FBXL20: variants seen among roughly 807,000 people sequenced by gnomAD.
FBXL20 encodes the protein F-box and leucine rich repeat protein 20.
FBXL20 carries 11 observed loss-of-function variants against 64.0 expected under a neutral mutation model. The observed-to-expected ratio is 0.17, with a 90% CI of 0.11 to 0.28. The LOEUF is 0.28. Among genes scored for constraint, FBXL20 ranks in the 10% least tolerant of loss-of-function variants. The pLI is 1.00. For synonymous variants in FBXL20, 184 were observed against 189.0 expected (o/e 0.97, Z 0.22); for missense variants, 303 against 526.2 (o/e 0.58, Z 4.15).
At position 39,261,023 on chromosome 17, in the gene FBXL20, C is replaced by G. The variant is rs965090927; in HGVS notation, c.*437G>C. On this transcript the variant is annotated 3_prime_UTR_variant, in exon 15 of 15. Transcript: ENST00000264658. ...TGCAAAGAAATTTTCTTTCTGGTCCCTGGGTACATCATATATTGTCTTTCC... is the reference window on the plus strand; with the variant it reads ...TGCAAAGAAATTTTCTTTCTGGTCCGTGGGTACATCATATATTGTCTTTCC... 1 of 163,238 alleles carries G rather than the reference C, an allele frequency of 6.1e-6. No homozygotes were observed. Among genetic ancestry groups the G allele is most frequent in the African/African-American group, 2.4e-5 (1 of 41,484 alleles). 10.1% of individuals were successfully genotyped at this position (163,238 alleles called of 1,614,324 possible).
intron 4 of FBXL20, among the ~76,000 whole-genome samples, chr17:39,300,490 T>C (rs911509989): frequency 6.6e-6 from 1 of 152,064 alleles, no homozygotes; most frequent in African/African-American, 2.4e-5. Context: ...AGATAAAACA[T>C]GGGGCAAAAA....
intron 13 of FBXL20, 36 bp downstream of exon 13, chr17:39,265,361 C>T: frequency 6.5e-7 from 1 of 1,538,082 alleles, no homozygotes; most frequent in Non-Finnish European, 9.0e-7. Flanking sequence ...TTGATTAAAC[C>T]CAGTAAACAC....
intron 1 of FBXL20, among the ~76,000 whole-genome samples, chr17:39,344,413 G>T (rs1391910418): frequency 6.6e-6 from 1 of 151,750 alleles, no homozygotes; most frequent in Admixed American, 6.6e-5. Flanking sequence ...ATTTTAATAT[G>T]CCATTAAGAG....
intron 5 of FBXL20, among the ~76,000 whole-genome samples, chr17:39,298,292 A>C (rs2047104470): frequency 1.3e-5 from 2 of 152,008 alleles, no homozygotes; most frequent in Non-Finnish European, 2.9e-5. Context: ...CTAATTAAAA[A>C]AAGTTTTTTG....
At chr17:39,370,404 C>T (rs1031389832) in intron 1 of FBXL20, among the ~76,000 whole-genome samples, 19 of 151,742 alleles carry the variant, frequency 1.3e-4, no homozygotes, top group Admixed American at 8.6e-4. Flanking sequence ...GCAGAAGCAT[C>T]GCTTGAACCC....
chr17:39,295,625 A>G (rs370083353), intron 6 of FBXL20, among the ~76,000 whole-genome samples: 13 of 152,214 alleles, frequency 8.5e-5, no homozygotes, highest in East Asian at 5.8e-4. Flanking sequence ...TGAATTATGT[A>G]AAATATTTAC....
At chr17:39,365,597 A>T (rs1465319860) in intron 1 of FBXL20, among the ~76,000 whole-genome samples, 1 of 152,128 alleles carries the variant, frequency 6.6e-6, no homozygotes, top group Non-Finnish European at 1.5e-5. Context: ...TCATTTACTT[A>T]ACCCAAACCT....
At position 39,283,432 on chromosome 17, in the gene FBXL20, T is replaced by G. The variant is rs192672070; in HGVS notation, c.495-577A>C. Reference sequence around the variant, plus strand: ...TGGGATTTTGAAGCATTTCAGATTTTCTTTTCTTTCTTTTTTTTTTTGAGA... The same window carrying G: ...TGGGATTTTGAAGCATTTCAGATTTGCTTTTCTTTCTTTTTTTTTTTGAGA... On this transcript the variant is annotated intron_variant, in intron 7 of 14. Coordinates refer to ENST00000264658, the MANE Select transcript of FBXL20 (RefSeq NM_032875.3). Among the ~76,000 whole-genome samples, 4 of 152,198 alleles carry G rather than the reference T, an allele frequency of 2.6e-5. No individual in the cohort carries two copies. In the East Asian group the frequency reaches 7.7e-4, roughly 29 times the overall value.
At chr17:39,343,135 T>C (rs1236167668) in intron 2 of FBXL20, 45 bp downstream of exon 2, 2 of 1,422,444 alleles carry the variant, frequency 1.4e-6, no homozygotes, top group Non-Finnish European at 1.9e-6. Context: ...CAGGCAAATA[T>C]GACATACACA....
chr17:39,289,998 C>CAAA (rs368530587), intron 6 of FBXL20, among the ~76,000 whole-genome samples: 1,805 of 41,682 alleles, frequency 0.043, 226 homozygotes, highest in African/African-American at 0.078. Flanking sequence ...GACTCAGTCT[C>CAAA]AAAAAAAAAA....
At chr17:39,282,658 G>A in intron 8 of FBXL20, 71 bp downstream of exon 8, 3 of 1,593,062 alleles carry the variant, frequency 1.9e-6, no homozygotes, top group Non-Finnish European at 2.6e-6. Context: ...AACATCTTGG[G>A]GCTGTCTATA....
At chr17:39,310,813 C>G (rs779610548) in intron 2 of FBXL20, among the ~76,000 whole-genome samples, 1 of 152,038 alleles carries the variant, frequency 6.6e-6, no homozygotes, top group Non-Finnish European at 1.5e-5. Flanking sequence ...TGGTGAAACC[C>G]AGTCTCTACT....
At chr17:39,347,262 G>A (rs533313014) in intron 1 of FBXL20, among the ~76,000 whole-genome samples, 73 of 152,222 alleles carry the variant, frequency 4.8e-4, no homozygotes, top group Non-Finnish European at 3.4e-4. Flanking sequence ...TTGAGGAATC[G>A]CCACACTGTC....
chr17:39,277,668 C>T (rs192117090), intron 9 of FBXL20, among the ~76,000 whole-genome samples: 132 of 148,274 alleles, frequency 8.9e-4, no homozygotes, highest in African/African-American at 3.1e-3. Flanking sequence ...GAAGGAGAAT[C>T]GCTTGAACCC....
intron 1 of FBXL20, among the ~76,000 whole-genome samples, chr17:39,374,257 A>G (rs8077104): frequency 0.37 from 56,124 of 150,492 alleles, 13,089 homozygotes; most frequent in African/African-American, 0.66. Context: ...GACCAGTCGG[A>G]ATGGCTCACG....
At chr17:39,267,283 A>G (rs1428621867) in intron 12 of FBXL20, among the ~76,000 whole-genome samples, 1 of 152,004 alleles carries the variant, frequency 6.6e-6, no homozygotes, top group African/African-American at 2.4e-5. Flanking sequence ...AAACAAAAAA[A>G]AACAGTCTGA....
At chr17:39,280,694 T>C (rs1020916993) in intron 9 of FBXL20, among the ~76,000 whole-genome samples, 9 of 152,180 alleles carry the variant, frequency 5.9e-5, no homozygotes, top group Admixed American at 2.0e-4. Flanking sequence ...AAAAAGCTGA[T>C]AGTTTGAACA....
chr17:39,261,801 G>GGCCGGGC (rs1246592390), intron 14 of FBXL20, among the ~76,000 whole-genome samples: 1 of 151,998 alleles, frequency 6.6e-6, no homozygotes, highest in Non-Finnish European at 1.5e-5. Context: ...TAAAACTGAG[G>GGCCGGGC]GCCGGGCGCG....
At chr17:39,346,538 C>T (rs969372780) in intron 1 of FBXL20, among the ~76,000 whole-genome samples, 15 of 151,940 alleles carry the variant, frequency 9.9e-5, no homozygotes, top group Non-Finnish European at 1.3e-4. Context: ...TAAAAGATGA[C>T]GCAGTTGTCT....
Sources: gnomAD v4.1 joint callset for allele counts (sites outside exome capture counted in the v4.1 genomes callset) on GRCh38, gnomAD v4.1.1 for gene constraint, MANE v1.5 for transcripts, NCBI Gene and HGNC (gene_info 2026-07-23, HGNC 2026-07-21) for gene names.